Variants in PALS1 observed in about 807,000 individuals in gnomAD.
PALS1 encodes the protein protein associated with LIN7 1, MAGUK p55 family member.
A neutral mutation model predicts 78.9 loss-of-function variants in PALS1; 31 were observed. That is an observed-to-expected ratio of 0.39 (90% confidence interval 0.30 to 0.53). The LOEUF (loss-of-function observed/expected upper bound fraction) is 0.53, where lower values mean the gene tolerates loss of function less well. PALS1 is among the 20% of genes least tolerant of loss of function. The pLI is 0.67. For synonymous variants in PALS1, 276 were observed against 270.9 expected (o/e 1.02, Z -0.18); for missense variants, 704 against 826.5 (o/e 0.85, Z 1.82).
At chr14:67,305,350 G>A (rs544124769) in intron 8 of PALS1, among the ~76,000 whole-genome samples, 65 of 151,812 alleles carry the variant, frequency 4.3e-4, no homozygotes, top group Admixed American at 1.4e-3. Context: ...ATGTGATCAC[G>A]ACTCCTGCAG....
chr14:67,287,159 C>T (rs1420507817), intron 3 of PALS1, among the ~76,000 whole-genome samples: 2 of 152,122 alleles, frequency 1.3e-5, no homozygotes, highest in Middle Eastern at 3.4e-3. Context: ...CTCAGGACTG[C>T]AGTGAGCCAT....
intron 8 of PALS1, among the ~76,000 whole-genome samples, chr14:67,310,155 T>C (rs1566569645): frequency 6.6e-6 from 1 of 152,280 alleles, no homozygotes; most frequent in East Asian, 1.9e-4. Flanking sequence ...ATCTTTTTGC[T>C]CAATCTCTTA....
chr14:67,330,649 G>C (rs1312336880), intron 14 of PALS1, among the ~76,000 whole-genome samples: 6 of 151,884 alleles, frequency 4.0e-5, no homozygotes, highest in Non-Finnish European at 8.8e-5. Flanking sequence ...GTAGAGATGG[G>C]GTTTCTCCAT....
At chr14:67,323,854 C>T in intron 14 of PALS1, 42 bp downstream of exon 14, 1 of 1,008,036 alleles carries the variant, frequency 9.9e-7, no homozygotes, top group East Asian at 2.8e-5. Flanking sequence ...TGAAGGTAAA[C>T]ATGAAACAGT....
chr14:67,286,222 C>T (rs1006279822), intron 3 of PALS1, among the ~76,000 whole-genome samples: 1 of 152,192 alleles, frequency 6.6e-6, no homozygotes, highest in Non-Finnish European at 1.5e-5. Context: ...TTTGTCCACT[C>T]CCAACCTAGC....
At chr14:67,317,615 G>T in intron 11 of PALS1, 136 bp downstream of exon 11, 2 of 535,808 alleles carry the variant, frequency 3.7e-6, no homozygotes. Flanking sequence ...AATCCTGTGA[G>T]TAAGGCAGTG....
chr14:67,311,451 C>A lies in PALS1; in HGVS notation c.1042-1076C>A, dbSNP rs575913604. On this transcript the variant is annotated intron_variant, in intron 8 of 14. Transcript: ENST00000261681. Reference sequence around the variant, plus strand: ...CTATGTGTGACAGAAATGCTCACTGCAAATATGTGGGCAGAAATGCTCATT... The same window carrying A: ...CTATGTGTGACAGAAATGCTCACTGAAAATATGTGGGCAGAAATGCTCATT... Among the ~76,000 whole-genome samples the A allele has an allele frequency of 2.0e-5, 3 of 152,106 alleles. No homozygotes were observed. In the South Asian group the frequency reaches 6.2e-4, roughly 32 times the overall value.
At chr14:67,295,502 A>C (rs895865972) in intron 4 of PALS1, among the ~76,000 whole-genome samples, 3 of 151,458 alleles carry the variant, frequency 2.0e-5, no homozygotes, top group Admixed American at 6.6e-5. Context: ...AAAAAAAAAA[A>C]CTCTTGGAAA....
At chr14:67,294,657 A>G (rs2084818458) in intron 4 of PALS1, 1 of 152,062 alleles carries the variant, frequency 6.6e-6, no homozygotes, top group African/African-American at 2.4e-5. Flanking sequence ...ACACAAACCA[A>G]ATTTCTTAGA....
At chr14:67,273,280 A>G (rs2084442098) in intron 2 of PALS1, among the ~76,000 whole-genome samples, 1 of 149,362 alleles carries the variant, frequency 6.7e-6, no homozygotes, top group Admixed American at 6.7e-5. Flanking sequence ...CACCTCCCCA[A>G]CCCCACGACA....
intron 3 of PALS1, among the ~76,000 whole-genome samples, chr14:67,283,695 G>GT (rs1163137338): frequency 6.7e-6 from 1 of 148,484 alleles, no homozygotes; most frequent in Non-Finnish European, 1.5e-5. Flanking sequence ...CTGTGATTTA[G>GT]TCAGGTTGCT....
At chr14:67,243,467 C>T (rs1295879883) in intron 1 of PALS1, among the ~76,000 whole-genome samples, 2 of 147,262 alleles carry the variant, frequency 1.4e-5, no homozygotes, top group Admixed American at 1.4e-4. Flanking sequence ...GGATTACAGG[C>T]GTGAGCCACC....
intron 4 of PALS1, chr14:67,294,439 TG>T (rs1192382850): frequency 6.6e-6 from 1 of 152,056 alleles, no homozygotes; most frequent in Non-Finnish European, 1.5e-5. Flanking sequence ...CCAACTCCCC[TG>T]TTTCACATTC....
intron 3 of PALS1, among the ~76,000 whole-genome samples, chr14:67,291,408 C>T (rs1235546682): frequency 1.3e-5 from 2 of 151,792 alleles, no homozygotes; most frequent in East Asian, 1.9e-4. Context: ...GCCTCGCCTC[C>T]GAAGTAGCTA....
chr14:67,293,027 A>T (rs1316629692), intron 4 of PALS1, among the ~76,000 whole-genome samples: 1 of 152,126 alleles, frequency 6.6e-6, no homozygotes, highest in Non-Finnish European at 1.5e-5. Flanking sequence ...AGTTTTATGA[A>T]TTTTAAGCAT....
chr14:67,288,141 G>A (rs1021712223), intron 3 of PALS1, among the ~76,000 whole-genome samples: 1 of 152,042 alleles, frequency 6.6e-6, no homozygotes, highest in Non-Finnish European at 1.5e-5. Flanking sequence ...GTGCAGTGGT[G>A]CGATCTCCGC....
intron 2 of PALS1, among the ~76,000 whole-genome samples, chr14:67,272,722 G>C (rs767549413): frequency 1.3e-5 from 2 of 152,118 alleles, no homozygotes; most frequent in African/African-American, 2.4e-5. Flanking sequence ...GCAGTGGCAC[G>C]ATCTTGGCTC....
chr14:67,252,192 T>C (rs2084075693), intron 1 of PALS1, among the ~76,000 whole-genome samples: 1 of 152,204 alleles, frequency 6.6e-6, no homozygotes, highest in African/African-American at 2.4e-5. Flanking sequence ...TATTTATTTA[T>C]TTTTTGTTTT....
At chr14:67,259,564 A>G (rs1380737803) in intron 1 of PALS1, among the ~76,000 whole-genome samples, 1 of 152,072 alleles carries the variant, frequency 6.6e-6, no homozygotes, top group Non-Finnish European at 1.5e-5. Context: ...GTGAGCCAAG[A>G]TTGAGCCACT....
Sources: allele counts gnomAD v4.1 joint callset (sites outside exome capture counted in the v4.1 genomes callset), GRCh38; gene constraint gnomAD v4.1.1; transcripts MANE v1.5; gene names NCBI Gene and HGNC (gene_info 2026-07-23, HGNC 2026-07-21).